The following LARGE1 variants were observed in gnomAD, a reference collection of about 807,000 sequenced individuals.
LARGE1 encodes LARGE xylosyl- and glucuronyltransferase 1.
A neutral mutation model predicts 87.6 loss-of-function variants in LARGE1; 43 were observed. The ratio of observed to expected loss-of-function variants is 0.49; its 90% CI spans 0.38 to 0.63. The LOEUF (loss-of-function observed/expected upper bound fraction) is 0.63. Among genes scored for constraint, LARGE1 ranks in the 30% least tolerant of loss-of-function variants. The pLI is 0.00. For missense variants in LARGE1, 802 were observed against 1,000.2 expected, an observed-to-expected ratio of 0.80 and a Z score of 2.67; for synonymous variants, 434 against 394.6, an observed-to-expected ratio of 1.10 and a Z score of -1.18.
chr22:33,615,410 A>G (rs1429179228), intron 4 of LARGE1, among the ~76,000 whole-genome samples: 1 of 152,210 alleles, frequency 6.6e-6, no homozygotes, highest in Non-Finnish European at 1.5e-5. Context: ...AAATCTTTTA[A>G]CATTGGGTTA....
chr22:33,432,771 G>A (rs1278868573), intron 6 of LARGE1, among the ~76,000 whole-genome samples: 1 of 152,184 alleles, frequency 6.6e-6, no homozygotes, highest in Admixed American at 6.5e-5. Flanking sequence ...ACCCTTGTTT[G>A]CTGAGACGAG....
At chr22:33,765,054 T>C (rs1276940244) in intron 1 of LARGE1, among the ~76,000 whole-genome samples, 2 of 152,222 alleles carry the variant, frequency 1.3e-5, no homozygotes, top group Non-Finnish European at 2.9e-5. Flanking sequence ...TAAGTAGCAC[T>C]TATATGTCAA....
Position 33,878,129 on chromosome 22 carries a change from CTTTT to C in LARGE1, c.-83+41862_-83+41865del, listed in dbSNP as rs1186663464. 4.3e-3 allele frequency among the ~76,000 whole-genome samples: 192 copies of C among 44,632 alleles called. 3 individuals are homozygous for C. Among genetic ancestry groups the C allele is most frequent in the East Asian group, 0.011 (11 of 966 alleles). 29.3% of individuals were successfully genotyped at this position (44,632 alleles called of 152,430 possible). A position where few individuals can be genotyped will look rare whatever the true frequency, so the allele number is the denominator to read the frequency against. On this transcript the variant is annotated intron_variant, in intron 1 of 14. Coordinates refer to ENST00000397394, the MANE Select transcript of LARGE1 (RefSeq NM_133642.5). Reference sequence around the variant, plus strand: ...TATGTATGTTGTTTATATTGTATTTCTTTTTTTTTTTTTTTTTTTTTTTTTAGAG... The same window carrying C: ...TATGTATGTTGTTTATATTGTATTTCTTTTTTTTTTTTTTTTTTTTTAGAG...
At chr22:33,519,709 CAT>C in intron 6 of LARGE1, among the ~76,000 whole-genome samples, 1 of 151,848 alleles carries the variant, frequency 6.6e-6, no homozygotes, top group South Asian at 2.1e-4. Context: ...AAAGAGGAAA[CAT>C]AGTATTTTAG....
At chr22:33,236,089 C>G (rs5749582) in intron 11 of LARGE1, among the ~76,000 whole-genome samples, 3,764 of 152,248 alleles carry the variant, frequency 0.025, 54 homozygotes, top group African/African-American at 0.033. Context: ...CAGCAACCAC[C>G]ACAGCTGGAG....
At chr22:33,140,280 G>A in the LARGE1 span, among the ~76,000 whole-genome samples, 2 of 152,188 alleles carry the variant, frequency 1.3e-5, no homozygotes, top group Admixed American at 1.3e-4. Context: ...AGTCTAAGTG[G>A]CTCTACCCAC....
chr22:33,824,475 C>A lies in LARGE1; in HGVS notation c.-82-62917G>T, dbSNP rs762476376. On this transcript the variant is annotated intron_variant, in intron 1 of 14. Transcript: ENST00000397394. ...GAGAACAGCAAGGGGGAAGTCCACC[C>A]CCATGATTCAATCACCTCCCTCCAA... Among the ~76,000 whole-genome samples, 6 of 152,158 alleles carry A rather than the reference C, an allele frequency of 3.9e-5. No individual in the cohort carries two copies. In the South Asian group the frequency reaches 1.2e-3, roughly 32 times the overall value.
At chr22:33,665,436 C>A (rs771554364) in intron 2 of LARGE1, among the ~76,000 whole-genome samples, 3 of 152,172 alleles carry the variant, frequency 2.0e-5, no homozygotes, top group Non-Finnish European at 4.4e-5. Context: ...CAGGTGAATA[C>A]AAGCAACTTT....
intron 6 of LARGE1, among the ~76,000 whole-genome samples, chr22:33,466,150 C>A (rs2068599089): frequency 1.3e-5 from 2 of 152,168 alleles, no homozygotes; most frequent in Admixed American, 1.3e-4. Context: ...ACCAGCTCTG[C>A]CCTGTCTCAT....
chr22:33,549,411 C>T (rs769201186), intron 6 of LARGE1, among the ~76,000 whole-genome samples: 35 of 152,290 alleles, frequency 2.3e-4, no homozygotes, highest in East Asian at 7.7e-4. Context: ...CTTGTAATTT[C>T]GAGGGAAGAC....
chr22:33,568,426 A>G (rs948129307), intron 5 of LARGE1, among the ~76,000 whole-genome samples: 1 of 152,208 alleles, frequency 6.6e-6, no homozygotes, highest in African/African-American at 2.4e-5. Flanking sequence ...CAACCGAGTC[A>G]TACAGTTAAC....
At chr22:33,788,393 G>A (rs1403163623) in intron 1 of LARGE1, among the ~76,000 whole-genome samples, 1 of 152,148 alleles carries the variant, frequency 6.6e-6, no homozygotes, top group Admixed American at 6.5e-5. Flanking sequence ...AGCAGTGTGA[G>A]AACAGATGAA....
At chr22:33,719,044 C>T (rs1008044527) in intron 2 of LARGE1, among the ~76,000 whole-genome samples, 3 of 152,190 alleles carry the variant, frequency 2.0e-5, no homozygotes, top group African/African-American at 7.2e-5. Flanking sequence ...CCGCCTCAGC[C>T]TCCCAAAGTG....
rs1319758728 is a variant in LARGE1 at position 33,901,015 on chromosome 22, C to CT, written c.-83+18979dup. On this transcript the variant is annotated intron_variant, in intron 1 of 14. Transcript: ENST00000397394. ...TGAGCCGAGATCGCGCTACTGCACT[C>CT]TAACCTGGGTGACACTAGTGAAACT... is the stretch of plus-strand genomic sequence containing the variant. Among the ~76,000 whole-genome samples the CT allele has an allele frequency of 7.9e-5, 12 of 152,228 alleles. No homozygotes were observed. The East Asian group carries it at 2.3e-3, about 30-fold the overall frequency.
intron 9 of LARGE1, 79 bp from the exon 10 acceptor site, chr22:33,337,880 CAGCACTGGGCTA>C (rs1441739348): frequency 1.4e-6 from 2 of 1,428,866 alleles, no homozygotes; most frequent in Admixed American, 1.7e-5. Flanking sequence ...AGCCATGGCT[CAGCACTGGGCTA>C]AGCATTATTT....
intron 1 of LARGE1, among the ~76,000 whole-genome samples, chr22:33,819,013 C>G (rs915233339): frequency 6.6e-6 from 1 of 152,206 alleles, no homozygotes; most frequent in Non-Finnish European, 1.5e-5. Context: ...TACTTGGGCA[C>G]ATGGTATGTG....
At chr22:33,749,623 C>A (rs2084235944) in intron 2 of LARGE1, among the ~76,000 whole-genome samples, 1 of 152,192 alleles carries the variant, frequency 6.6e-6, no homozygotes, top group Non-Finnish European at 1.5e-5. Flanking sequence ...TGTAAGCCAG[C>A]CTAGATGACT....
intron 2 of LARGE1, chr22:33,746,523 G>A (rs1024764498): frequency 2.0e-5 from 3 of 152,284 alleles, no homozygotes; most frequent in Non-Finnish European, 2.9e-5. Flanking sequence ...CTTGGCCAGC[G>A]GAATGAATGA....
At chr22:33,327,086 AT>A (rs1345249697) in intron 10 of LARGE1, among the ~76,000 whole-genome samples, 2 of 152,174 alleles carry the variant, frequency 1.3e-5, no homozygotes, top group African/African-American at 4.8e-5. Context: ...GCAGGAATGC[AT>A]TCTGGGCTTT....
Sources: gnomAD v4.1 joint callset for allele counts (sites outside exome capture counted in the v4.1 genomes callset) on GRCh38, gnomAD v4.1.1 for gene constraint, MANE v1.5 for transcripts, NCBI Gene and HGNC (gene_info 2026-07-23, HGNC 2026-07-21) for gene names.